Variants in FRMD5 observed in about 807,000 individuals in gnomAD.
FRMD5 encodes FERM domain-containing protein 5.
FRMD5 carries 20 observed loss-of-function variants against 69.0 expected under a neutral mutation model. That is an observed-to-expected ratio of 0.29 (90% CI 0.20 to 0.42). The LOEUF (loss-of-function observed/expected upper bound fraction) is 0.42. Among genes scored for constraint, FRMD5 ranks in the 10% least tolerant of loss-of-function variants. The pLI is 1.00. For missense variants in FRMD5, 595 were observed against 708.6 expected (o/e 0.84, Z 1.82); for synonymous variants, 271 against 260.1 (o/e 1.04, Z -0.40).
chr15:44,084,529 A>C (rs947764771), intron 1 of FRMD5, among the ~76,000 whole-genome samples: 1 of 152,132 alleles, frequency 6.6e-6, no homozygotes, highest in Non-Finnish European at 1.5e-5. Flanking sequence ...ATGTTGATAT[A>C]AATCTATCTC....
intron 1 of FRMD5, among the ~76,000 whole-genome samples, chr15:44,041,638 G>A (rs985326997): frequency 3.9e-5 from 6 of 152,088 alleles, no homozygotes; most frequent in Non-Finnish European, 7.4e-5. Context: ...ATGCAAAATC[G>A]CACAATTACA....
chr15:43,918,153 C>T (rs546533505), intron 4 of FRMD5, among the ~76,000 whole-genome samples: 13 of 152,242 alleles, frequency 8.5e-5, no homozygotes, highest in African/African-American at 2.6e-4. Context: ...TGGCCGGGCA[C>T]GGTGGCTCAT....
At chr15:44,162,610 G>A (rs1033191280) in intron 1 of FRMD5, among the ~76,000 whole-genome samples, 5 of 152,020 alleles carry the variant, frequency 3.3e-5, no homozygotes, top group African/African-American at 1.2e-4. Context: ...ACTCACGCCT[G>A]TGATCCCAGC....
chr15:44,038,057 T>C (rs868386447), intron 1 of FRMD5, among the ~76,000 whole-genome samples: 12 of 152,256 alleles, frequency 7.9e-5, no homozygotes, highest in African/African-American at 2.7e-4. Flanking sequence ...CCAGTGATGA[T>C]GAGCTTTTTT....
At chr15:44,032,906 T>G (rs991543195) in intron 1 of FRMD5, among the ~76,000 whole-genome samples, 1 of 152,114 alleles carries the variant, frequency 6.6e-6, no homozygotes, top group Non-Finnish European at 1.5e-5. Flanking sequence ...GACACATGCA[T>G]GTGGATGTTT....
At chr15:44,090,959 C>T (rs892434563) in intron 1 of FRMD5, among the ~76,000 whole-genome samples, 6 of 152,140 alleles carry the variant, frequency 3.9e-5, no homozygotes, top group Non-Finnish European at 8.8e-5. Flanking sequence ...CAACCTAACA[C>T]AACCAGCTTG....
chr15:43,882,307 G>A (rs140089452), intron 13 of FRMD5, among the ~76,000 whole-genome samples: 66 of 152,244 alleles, frequency 4.3e-4, no homozygotes, highest in African/African-American at 1.5e-3. Flanking sequence ...GAGATGGGTC[G>A]TATTGAATTT....
Position 44,195,165 on chromosome 15 carries a change from G to A in FRMD5, c.-111C>T, listed in dbSNP as rs372929275. 23 of 794,332 alleles carry A rather than the reference G, an allele frequency of 2.9e-5. No individual in the cohort carries two copies. In the East Asian group the frequency reaches 3.5e-4, roughly 12 times the overall value. 49.2% of individuals were successfully genotyped at this position (794,332 alleles called of 1,614,324 possible). On this transcript the variant is annotated 5_prime_UTR_variant, in exon 1 of 14. Transcript: ENST00000417257. ...CCCAGGCACCTGCACCATCACCCCG[G>A]CCCCGTCGCTGCCGTTGCCTCCTGC...
chr15:43,997,592 CT>C (rs1889993730), intron 1 of FRMD5, among the ~76,000 whole-genome samples: 2 of 152,284 alleles, frequency 1.3e-5, no homozygotes, highest in South Asian at 4.1e-4. Flanking sequence ...TGCCCCTGAG[CT>C]TTCTTGATGT....
intron 1 of FRMD5, among the ~76,000 whole-genome samples, chr15:44,089,357 T>C (rs965209176): frequency 6.6e-6 from 1 of 152,138 alleles, no homozygotes; most frequent in African/African-American, 2.4e-5. Context: ...GACCACTCCT[T>C]GTCAGTACCA....
At chr15:43,948,150 T>C (rs919144418) in intron 1 of FRMD5, among the ~76,000 whole-genome samples, 7 of 152,214 alleles carry the variant, frequency 4.6e-5, no homozygotes, top group Non-Finnish European at 1.0e-4. Context: ...GCTTAGTAAG[T>C]GACTGAGCTG....
At chr15:44,003,270 C>T (rs142323421) in intron 1 of FRMD5, among the ~76,000 whole-genome samples, 3 of 152,344 alleles carry the variant, frequency 2.0e-5, no homozygotes, top group East Asian at 3.9e-4. Context: ...CCACCACCAT[C>T]GTCTTGGGCC....
rs563922245 is a variant in FRMD5 at position 44,067,337 on chromosome 15, A to C, written c.102+127616T>G. Among the ~76,000 whole-genome samples, 32 of 152,366 alleles carry C rather than the reference A, an allele frequency of 2.1e-4. No individual in the cohort carries two copies. The South Asian group carries it at 6.4e-3, about 31-fold the overall frequency. On this transcript the variant is annotated intron_variant, in intron 1 of 13. Transcript: ENST00000417257. ...CTGGTTAAAATATTGCTTAGACACC[A>C]AAGTAAATGCAACCAAATAAAAAAT...
At chr15:43,950,374 G>T (rs2090008148) in intron 1 of FRMD5, among the ~76,000 whole-genome samples, 1 of 152,142 alleles carries the variant, frequency 6.6e-6, no homozygotes, top group African/African-American at 2.4e-5. Context: ...GAGGAAAATT[G>T]GTTTCATGCT....
At chr15:44,196,732 T>TTC (rs71111844), upstream of FRMD5, among the ~76,000 whole-genome samples, 17 of 123,920 alleles carry the variant, frequency 1.4e-4, no homozygotes, top group East Asian at 6.8e-4. Flanking sequence ...TTCTCTTTCA[T>TTC]TCTCTCTCTC....
At chr15:43,897,043 C>T (rs940181253) in intron 7 of FRMD5, among the ~76,000 whole-genome samples, 5 of 152,072 alleles carry the variant, frequency 3.3e-5, no homozygotes, top group African/African-American at 1.2e-4. Flanking sequence ...CATGACAGCT[C>T]AGAAAGGAAT....
At chr15:44,145,138 G>A (rs1302113033) in intron 1 of FRMD5, among the ~76,000 whole-genome samples, 6 of 152,170 alleles carry the variant, frequency 3.9e-5, no homozygotes, top group Non-Finnish European at 7.3e-5. Flanking sequence ...GATGCTGCTT[G>A]ACAGCCCTAC....
intron 1 of FRMD5, among the ~76,000 whole-genome samples, chr15:44,008,305 C>T (rs907699606): frequency 3.3e-5 from 5 of 151,724 alleles, no homozygotes; most frequent in Non-Finnish European, 7.4e-5. Context: ...GCTCTGTTGC[C>T]CAGGCTGGAG....
chr15:43,936,217 T>TG, intron 1 of FRMD5, among the ~76,000 whole-genome samples: 1 of 152,292 alleles, frequency 6.6e-6, no homozygotes, highest in African/African-American at 2.4e-5. Context: ...GACAGGGTCT[T>TG]GCTCTGTTGC....
Sources: gnomAD v4.1 joint callset for allele counts (sites outside exome capture counted in the v4.1 genomes callset) on GRCh38, gnomAD v4.1.1 for gene constraint, MANE v1.5 for transcripts, NCBI Gene and HGNC (gene_info 2026-07-23, HGNC 2026-07-21) for gene names.